GPR39: variants seen among roughly 807,000 people sequenced by gnomAD.
GPR39 encodes zinc sensing receptor.
GPR39 carries 23 observed loss-of-function variants against 18.4 expected under a neutral mutation model. The observed-to-expected ratio is 1.25, with a 90% CI of 0.90 to 1.77. The LOEUF is 1.77. GPR39 is among the 40% of genes most tolerant of loss of function. The pLI is 0.00. For missense variants in GPR39, 647 were observed against 602.4 expected, an observed-to-expected ratio of 1.07 and a Z score of -0.78; for synonymous variants, 280 against 257.9, an observed-to-expected ratio of 1.09 and a Z score of -0.82.
chr2:132,599,436 G>A (rs1005593770), intron 1 of GPR39, among the ~76,000 whole-genome samples: 8 of 152,224 alleles, frequency 5.3e-5, no homozygotes, highest in South Asian at 2.1e-4. Flanking sequence ...GCAACTGACC[G>A]TGGCTAGAGG....
At position 132,582,393 on chromosome 2, in the gene GPR39, A is replaced by T. The variant is rs560657276; in HGVS notation, c.857-62708A>T. 2.6e-5 allele frequency among the ~76,000 whole-genome samples: 4 copies of T among 152,336 alleles called. No homozygotes were observed. The South Asian group carries it at 8.3e-4, about 32-fold the overall frequency. On this transcript the variant is annotated intron_variant, in intron 1 of 1. Coordinates refer to ENST00000329321, the MANE Select transcript of GPR39 (RefSeq NM_001508.3). ...TAATGTAATTCTTAAGTGATTTGCAATGTGCCTTTCAGGCAGGTTTTATTT... is the reference window on the plus strand; with the variant it reads ...TAATGTAATTCTTAAGTGATTTGCATTGTGCCTTTCAGGCAGGTTTTATTT...
chr2:132,638,727 T>C (rs1681810076), intron 1 of GPR39, among the ~76,000 whole-genome samples: 2 of 152,224 alleles, frequency 1.3e-5, no homozygotes, highest in African/African-American at 4.8e-5. Context: ...TATTTGTCTC[T>C]TTCTGGCTCT....
At chr2:132,581,047 T>TA (rs1250257378) in intron 1 of GPR39, among the ~76,000 whole-genome samples, 171 of 139,974 alleles carry the variant, frequency 1.2e-3, no homozygotes, top group East Asian at 3.5e-3. Flanking sequence ...GTATAAAGAT[T>TA]AAAAAAAAAA....
At chr2:132,447,451 AT>A (rs1357033922) in intron 1 of GPR39, among the ~76,000 whole-genome samples, 2 of 152,170 alleles carry the variant, frequency 1.3e-5, no homozygotes, top group Non-Finnish European at 2.9e-5. Flanking sequence ...CTTAACTGAC[AT>A]TTTTGCTGAA....
intron 1 of GPR39, among the ~76,000 whole-genome samples, chr2:132,644,500 G>GCATAC (rs890772006): frequency 1.3e-5 from 2 of 152,212 alleles, no homozygotes; most frequent in African/African-American, 4.8e-5. Context: ...TTATAGGTGT[G>GCATAC]CATACCTAGT....
intron 1 of GPR39, among the ~76,000 whole-genome samples, chr2:132,587,263 CAA>C (rs2104828478): frequency 6.6e-6 from 1 of 152,294 alleles, no homozygotes; most frequent in East Asian, 1.9e-4. Flanking sequence ...TCCAAACAAA[CAA>C]AAGCATAGAA....
intron 1 of GPR39, among the ~76,000 whole-genome samples, chr2:132,513,723 T>C (rs1423568777): frequency 6.6e-6 from 1 of 152,228 alleles, no homozygotes; most frequent in East Asian, 1.9e-4. Flanking sequence ...AAACTGAATT[T>C]CTTTTTTTAG....
intron 1 of GPR39, among the ~76,000 whole-genome samples, chr2:132,464,353 T>C (rs142043680): frequency 4.9e-4 from 75 of 152,318 alleles, no homozygotes; most frequent in Admixed American, 2.0e-3. Context: ...GTGTGCAGGA[T>C]TGGCCTATGA....
At chr2:132,619,757 C>T (rs1558861117) in intron 1 of GPR39, among the ~76,000 whole-genome samples, 1 of 151,970 alleles carries the variant, frequency 6.6e-6, no homozygotes, top group Non-Finnish European at 1.5e-5. Context: ...GCCATATACT[C>T]TCATCAGTCC....
At chr2:132,526,871 G>A (rs1679524146) in intron 1 of GPR39, among the ~76,000 whole-genome samples, 1 of 152,224 alleles carries the variant, frequency 6.6e-6, no homozygotes, top group Admixed American at 6.5e-5. Flanking sequence ...GTGACTAACA[G>A]AGGGTGTTCA....
chr2:132,431,010 G>A (rs867247315), intron 1 of GPR39, among the ~76,000 whole-genome samples: 7 of 152,130 alleles, frequency 4.6e-5, no homozygotes, highest in African/African-American at 1.7e-4. Flanking sequence ...TTAGAGGGGT[G>A]GGGAGGAGGG....
intron 1 of GPR39, among the ~76,000 whole-genome samples, chr2:132,616,832 A>G (rs1681343733): frequency 1.3e-5 from 2 of 152,228 alleles, no homozygotes; most frequent in Non-Finnish European, 2.9e-5. Flanking sequence ...AAAGAATCAA[A>G]TCATAAGGAA....
intron 1 of GPR39, among the ~76,000 whole-genome samples, chr2:132,557,979 T>G: frequency 7.6e-6 from 1 of 130,746 alleles, no homozygotes; most frequent in Non-Finnish European, 1.6e-5. Context: ...CTGCACTGAG[T>G]GGTGGTGGTG....
At chr2:132,598,757 C>T (rs1415358389) in intron 1 of GPR39, among the ~76,000 whole-genome samples, 2 of 151,988 alleles carry the variant, frequency 1.3e-5, no homozygotes, top group African/African-American at 4.8e-5. Flanking sequence ...CACCAGCATC[C>T]TAGAGGCACT....
In GPR39 at chr2:132,610,647, C is replaced by T. The variant is rs1053886813; in HGVS notation, c.857-34454C>T. ...CAAAAATTAGCCAGGTGTGGTGGCA[C>T]GTACCTGTAGTCCCAGCTACTCAGG... On this transcript the variant is annotated intron_variant, in intron 1 of 1. Coordinates refer to ENST00000329321, the MANE Select transcript of GPR39 (RefSeq NM_001508.3). Among the ~76,000 whole-genome samples the T allele has an allele frequency of 7.2e-5, 11 of 151,758 alleles. 1 individual carries two copies. Among genetic ancestry groups the T allele is most frequent in the Admixed American group, 6.6e-4 (10 of 15,228 alleles).
Position 132,645,642 on chromosome 2 carries a change from C to T in GPR39, c.*36C>T. 1 of 1,579,526 alleles carries T rather than the reference C, an allele frequency of 6.3e-7. No homozygotes were observed. The highest frequency in any genetic ancestry group is 1.2e-5 in the South Asian group (1 of 84,838). On this transcript the variant is annotated 3_prime_UTR_variant, in exon 2 of 2. Coordinates refer to ENST00000329321, the MANE Select transcript of GPR39 (RefSeq NM_001508.3). ...AGGGAGCCTTGAGTGGGAACTGGCCCTCCAGCCCTAAGAAAACGTCACTCT... is the reference window on the plus strand; with the variant it reads ...AGGGAGCCTTGAGTGGGAACTGGCCTTCCAGCCCTAAGAAAACGTCACTCT...
At chr2:132,513,428 A>C (rs1253075822) in intron 1 of GPR39, among the ~76,000 whole-genome samples, 1 of 151,032 alleles carries the variant, frequency 6.6e-6, no homozygotes, top group African/African-American at 2.4e-5. Flanking sequence ...GCGCCACTGC[A>C]CTCCAGCCTG....
intron 1 of GPR39, among the ~76,000 whole-genome samples, chr2:132,582,501 G>C (rs9677969): frequency 6.6e-6 from 1 of 152,200 alleles, no homozygotes; most frequent in African/African-American, 2.4e-5. Flanking sequence ...GCTTAGACTA[G>C]AGCTGGGGAT....
chr2:132,619,398 G>A (rs1681395323), intron 1 of GPR39, among the ~76,000 whole-genome samples: 1 of 152,166 alleles, frequency 6.6e-6, no homozygotes, highest in South Asian at 2.1e-4. Flanking sequence ...TCCCAGCTGG[G>A]AAGGCAGAAC....
Sources: allele counts gnomAD v4.1 joint callset (sites outside exome capture counted in the v4.1 genomes callset), GRCh38; gene constraint gnomAD v4.1.1; transcripts MANE v1.5; gene names NCBI Gene and HGNC (gene_info 2026-07-23, HGNC 2026-07-21).